The following CFAP58 variants were observed in gnomAD, a reference collection of about 807,000 sequenced individuals.
CFAP58 encodes the protein cilia- and flagella-associated protein 58.
CFAP58 carries 88 observed loss-of-function variants against 119.5 expected under a neutral mutation model. The ratio of observed to expected loss-of-function variants is 0.74; its 90% CI spans 0.62 to 0.88. The LOEUF (loss-of-function observed/expected upper bound fraction) is 0.88, where lower values mean the gene tolerates loss of function less well. Among genes scored for constraint, CFAP58 ranks in the 40% least tolerant of loss-of-function variants. CFAP58 has a pLI of 0.00. For missense variants in CFAP58, 990 were observed against 1,021.2 expected, an observed-to-expected ratio of 0.97 and a Z score of 0.42; for synonymous variants, 365 against 366.3, an observed-to-expected ratio of 1.00 and a Z score of 0.04.
intron 15 of CFAP58, among the ~76,000 whole-genome samples, chr10:104,432,143 C>T (rs1253555449): frequency 6.6e-6 from 1 of 151,906 alleles, no homozygotes; most frequent in Non-Finnish European, 1.5e-5. Context: ...ATAACTTTGT[C>T]TACACAAAAA....
intron 15 of CFAP58, among the ~76,000 whole-genome samples, chr10:104,417,475 A>G (rs750129597): frequency 6.6e-6 from 1 of 152,186 alleles, no homozygotes; most frequent in Non-Finnish European, 1.5e-5. Context: ...TCTAGGAGTA[A>G]TCAGACAACT....
chr10:104,428,204 C>T (rs528043571), intron 15 of CFAP58, among the ~76,000 whole-genome samples: 1 of 152,234 alleles, frequency 6.6e-6, no homozygotes, highest in South Asian at 2.1e-4. Flanking sequence ...TAGGTCATCA[C>T]TGTCAGCATC....
chr10:104,450,878 C>G (rs1415442340), intron 17 of CFAP58, among the ~76,000 whole-genome samples: 1 of 151,834 alleles, frequency 6.6e-6, no homozygotes, highest in Admixed American at 6.6e-5. Flanking sequence ...ATCTCTGAAC[C>G]ATCTTCTATG....
Position 104,370,985 on chromosome 10 carries a change from G to A in CFAP58, c.1021G>A (p.Glu341Lys), listed in dbSNP as rs201674161. ...EQIHKKLHHT[E>K]DQKAEVEQHK... The stretch of plus-strand genomic sequence containing the variant: ...AATTCATAAGAAATTGCACCACACC[G>A]AAGATCAAAAGGCAGAAGTCGAACA... Residue 341 changes from glutamate (E) to lysine (K), a missense_variant, in exon 7 of 18, where the codon GAA becomes AAA. Physicochemically the swap from Glu to Lys is moderately conservative, Grantham distance 56. Coordinates refer to ENST00000369704, the MANE Select transcript of CFAP58 (RefSeq NM_001008723.2). 48 of 1,613,486 alleles carry A rather than the reference G, an allele frequency of 3.0e-5. 1 individual carries two copies. The highest frequency in any genetic ancestry group is 3.3e-5 in the South Asian group (3 of 91,032).
chr10:104,342,233 G>T, the CFAP58 span, among the ~76,000 whole-genome samples: 1 of 152,084 alleles, frequency 6.6e-6, no homozygotes, highest in Admixed American at 6.5e-5. Context: ...TATGATGATT[G>T]CCTTTTTCTC....
At chr10:104,422,790 C>A (rs1030962906) in intron 15 of CFAP58, among the ~76,000 whole-genome samples, 1 of 152,198 alleles carries the variant, frequency 6.6e-6, no homozygotes, top group Non-Finnish European at 1.5e-5. Context: ...GTCATACTTA[C>A]CAATGTCCCA....
At chr10:104,373,259 T>A (rs1455342242) in intron 7 of CFAP58, among the ~76,000 whole-genome samples, 1 of 152,130 alleles carries the variant, frequency 6.6e-6, no homozygotes, top group Non-Finnish European at 1.5e-5. Flanking sequence ...ATATATTAAG[T>A]TCCTGGATGA....
intron 7 of CFAP58, among the ~76,000 whole-genome samples, chr10:104,372,522 T>C (rs753511229): frequency 3.3e-5 from 5 of 152,180 alleles, no homozygotes; most frequent in Admixed American, 6.5e-5. Flanking sequence ...ACCCAGACTA[T>C]GGGCAGGCAT....
In CFAP58 at chr10:104,406,791, C is replaced by T; in HGVS notation, c.2254C>T (p.Gln752Ter). Residue 752 changes from glutamine (Q) to a stop codon, truncating the protein, a stop_gained and splice_region_variant, in exon 15 of 18, where the codon CAG becomes TAG. Transcript: ENST00000369704. LOFTEE classifies it high-confidence loss of function. Reference protein sequence around the residue: ...EEVVEKELLLQEKEKLYMELK... With the variant: ...EEVVEKELLL The stretch of plus-strand genomic sequence containing the variant: ...GGTGGTTGAAAAAGAGCTGCTCCTC[C>T]AGGTAGCATTTTTGTTTTCTGTACT... 1 of 1,613,642 alleles carries T rather than the reference C, an allele frequency of 6.2e-7. No individual in the cohort carries two copies. Among genetic ancestry groups the T allele is most frequent in the Non-Finnish European group, 8.5e-7 (1 of 1,179,558 alleles).
At chr10:104,368,363 T>C (rs1589910918) in intron 5 of CFAP58, 60 bp from the exon 6 acceptor site, 1 of 1,570,546 alleles carries the variant, frequency 6.4e-7, no homozygotes, top group East Asian at 2.3e-5. Flanking sequence ...CCCCTGTGTG[T>C]ATATCCAACT....
chr10:104,428,953 T>C (rs1016575746), intron 15 of CFAP58, among the ~76,000 whole-genome samples: 3 of 152,246 alleles, frequency 2.0e-5, no homozygotes, highest in Non-Finnish European at 2.9e-5. Flanking sequence ...GAGGAGACAC[T>C]GTCCAGGTGT....
intron 13 of CFAP58, 42 bp from the exon 14 acceptor site, chr10:104,403,687 C>T (rs747095047): frequency 3.1e-5 from 42 of 1,334,354 alleles, no homozygotes; most frequent in Middle Eastern, 2.5e-4. Flanking sequence ...GATATTCAAA[C>T]GGGTGGATAA....
chr10:104,411,391 A>G (rs1318707058), intron 15 of CFAP58, among the ~76,000 whole-genome samples: 3 of 152,056 alleles, frequency 2.0e-5, no homozygotes, highest in African/African-American at 4.8e-5. Flanking sequence ...TATGTCCCCA[A>G]TTAATTCAAA....
chr10:104,420,170 A>G (rs2012632666), intron 15 of CFAP58, among the ~76,000 whole-genome samples: 1 of 151,574 alleles, frequency 6.6e-6, no homozygotes, highest in Admixed American at 6.6e-5. Context: ...ATTAAGGTGA[A>G]CAAGTTTCTC....
At chr10:104,357,959 A>G (rs1313448306) in intron 1 of CFAP58, among the ~76,000 whole-genome samples, 4 of 114,870 alleles carry the variant, frequency 3.5e-5, no homozygotes, top group Non-Finnish European at 6.9e-5. Flanking sequence ...ATATATACAC[A>G]TATATGTACA....
chr10:104,357,898 T>G (rs546405742), intron 1 of CFAP58, among the ~76,000 whole-genome samples: 2 of 116,882 alleles, frequency 1.7e-5, no homozygotes, highest in South Asian at 2.4e-4. Context: ...TAAACATATA[T>G]GTACACATAT....
At chr10:104,343,613 A>C in the CFAP58 span, among the ~76,000 whole-genome samples, 23 of 152,324 alleles carry the variant, frequency 1.5e-4, no homozygotes, top group African/African-American at 5.3e-4. Context: ...CCTTAAAAAC[A>C]ATTGTTATGT....
intron 15 of CFAP58, among the ~76,000 whole-genome samples, chr10:104,426,714 C>T (rs991423978): frequency 6.6e-6 from 1 of 152,168 alleles, no homozygotes; most frequent in Non-Finnish European, 1.5e-5. Context: ...GACATTTTCA[C>T]CCCATTACAT....
At chr10:104,394,746 T>C (rs1429200910) in intron 11 of CFAP58, among the ~76,000 whole-genome samples, 1 of 152,250 alleles carries the variant, frequency 6.6e-6, no homozygotes, top group African/African-American at 2.4e-5. Flanking sequence ...TTGTTTTTTA[T>C]ATATAAAGAA....
Sources: allele counts gnomAD v4.1 joint callset (sites outside exome capture counted in the v4.1 genomes callset), GRCh38; gene constraint gnomAD v4.1.1; transcripts MANE v1.5; gene names NCBI Gene and HGNC (gene_info 2026-07-23, HGNC 2026-07-21).